The following ZMPSTE24 variants were observed in gnomAD, a reference collection of about 807,000 sequenced individuals.
ZMPSTE24 encodes the protein CAAX prenyl protease 1 homolog.
ZMPSTE24 carries 48 observed loss-of-function variants against 56.7 expected under a neutral mutation model. That is an observed-to-expected ratio of 0.85 (90% CI 0.67 to 1.08). The LOEUF (loss-of-function observed/expected upper bound fraction) is 1.08, where lower values mean the gene tolerates loss of function less well. Among genes scored for constraint, ZMPSTE24 ranks in the 50% least tolerant of loss-of-function variants. The probability of loss-of-function intolerance (pLI) is 0.00; values close to 1 mark genes in which losing one functional copy is unlikely to be tolerated. For synonymous variants in ZMPSTE24, 172 were observed against 195.2 expected, an observed-to-expected ratio of 0.88 and a Z score of 0.99; for missense variants, 503 against 548.7, an observed-to-expected ratio of 0.92 and a Z score of 0.83.
At chr1:40,258,993 A>C (rs572384437) in intron 1 of ZMPSTE24, among the ~76,000 whole-genome samples, 3 of 152,170 alleles carry the variant, frequency 2.0e-5, no homozygotes, top group Admixed American at 1.3e-4. Context: ...ACCCGTCTCT[A>C]CTAAAAATAG....
intron 1 of ZMPSTE24, among the ~76,000 whole-genome samples, 184 bp downstream of exon 1, chr1:40,258,578 AG>A: frequency 6.6e-6 from 1 of 152,224 alleles, no homozygotes; most frequent in Middle Eastern, 3.4e-3. Flanking sequence ...TGGTGCGTCA[AG>A]GAAGTTTTCT....
intron 2 of ZMPSTE24, among the ~76,000 whole-genome samples, chr1:40,261,312 C>T (rs1643494506): frequency 6.6e-6 from 1 of 152,136 alleles, no homozygotes; most frequent in Admixed American, 6.6e-5. Flanking sequence ...ATCATTATTC[C>T]TGTCAGAGTA....
intron 8 of ZMPSTE24, among the ~76,000 whole-genome samples, chr1:40,287,842 G>A (rs1353688505): frequency 6.6e-6 from 1 of 152,066 alleles, no homozygotes; most frequent in Admixed American, 6.6e-5. Context: ...CTGAGCATAT[G>A]TGGCCTTAAC....
intron 2 of ZMPSTE24, among the ~76,000 whole-genome samples, chr1:40,261,702 TTTTTG>T (rs1454562629): frequency 5.9e-5 from 9 of 152,212 alleles, no homozygotes; most frequent in African/African-American, 9.6e-5. Flanking sequence ...TTTGTTGCTT[TTTTTG>T]TTTTGTTTTG....
At chr1:40,258,474 G>C in intron 1 of ZMPSTE24, 80 bp downstream of exon 1, 1 of 1,605,214 alleles carries the variant, frequency 6.2e-7, no homozygotes, top group South Asian at 1.1e-5. Context: ...TGAGACTCTT[G>C]ATTGCTTCGG....
At chr1:40,284,563 C>T (rs1643765776) in intron 7 of ZMPSTE24, among the ~76,000 whole-genome samples, 1 of 151,880 alleles carries the variant, frequency 6.6e-6, no homozygotes, top group African/African-American at 2.4e-5. Flanking sequence ...ACCAGCCTGA[C>T]TCACATGGTG....
intron 1 of ZMPSTE24, among the ~76,000 whole-genome samples, chr1:40,260,398 A>C (rs964925742): frequency 1.3e-5 from 2 of 152,062 alleles, no homozygotes; most frequent in Non-Finnish European, 2.9e-5. Context: ...ATATGTTTCC[A>C]TCTGGTGATC....
At position 40,270,109 on chromosome 1, in the gene ZMPSTE24, C is replaced by T. The variant is rs202090930; in HGVS notation, c.609C>T (p.Phe203=). 1 of 1,613,836 alleles carries T rather than the reference C, an allele frequency of 6.2e-7. No individual in the cohort carries two copies. Among genetic ancestry groups the T allele is most frequent in the African/African-American group, 1.3e-5 (1 of 75,022 alleles). ...ATTTTTTTATTTATGCCTGGCTGTTCACATTAGTTGTGTCTCTGGTGAGTA... is the reference window on the plus strand; with the variant it reads ...ATTTTTTTATTTATGCCTGGCTGTTTACATTAGTTGTGTCTCTGGTGAGTA... The part of the protein sequence containing the change: ...GDYFFIYAWL[F]TLVVSLVLVT... Residue 203 remains phenylalanine, a synonymous_variant, in exon 5 of 10, where the codon TTC becomes TTT. Coordinates refer to ENST00000372759, the MANE Select transcript of ZMPSTE24 (RefSeq NM_005857.5).
In ZMPSTE24 at chr1:40,267,800, T is replaced by C; in HGVS notation, c.285T>C (p.Phe95=). ...TTGTTTTATAGCTTATTCTTCTCTT[T>C]GGAGGAATACCTTATCTCTGGAGAC... ...SETEGTLILL[F]GGIPYLWRLS... Residue 95 remains phenylalanine (F), a synonymous_variant, in exon 3 of 10, where the codon TTT becomes TTC. Coordinates refer to ENST00000372759, the MANE Select transcript of ZMPSTE24 (RefSeq NM_005857.5). 6.2e-7 allele frequency: 1 copy of C among 1,613,192 alleles called. No homozygotes were observed. The highest frequency in any genetic ancestry group is 1.1e-5 in the South Asian group (1 of 91,070).
At chr1:40,260,782 A>G in intron 1 of ZMPSTE24, 57 bp from the exon 2 acceptor site, 2 of 1,567,284 alleles carry the variant, frequency 1.3e-6, no homozygotes, top group Non-Finnish European at 1.8e-6. Flanking sequence ...TTTGATCATA[A>G]ATGACTATTG....
chr1:40,286,516 G>A (rs963457293), intron 8 of ZMPSTE24, among the ~76,000 whole-genome samples: 11 of 151,996 alleles, frequency 7.2e-5, no homozygotes, highest in Middle Eastern at 3.2e-3. Flanking sequence ...TGCCTCTCAG[G>A]TTCAAGCGAT....
At chr1:40,273,540 ATATATATAT>A (rs1643636812) in intron 6 of ZMPSTE24, among the ~76,000 whole-genome samples, 9 of 78,424 alleles carry the variant, frequency 1.1e-4, no homozygotes, top group African/African-American at 3.8e-4. Context: ...AAAAAAAAAT[ATATATATAT>A]ATATATATAT....
chr1:40,274,158 G>C (rs1310612640), intron 6 of ZMPSTE24, among the ~76,000 whole-genome samples: 1 of 152,164 alleles, frequency 6.6e-6, no homozygotes, highest in African/African-American at 2.4e-5. Flanking sequence ...CTACTGGGGA[G>C]GCTGAGGTGG....
intron 2 of ZMPSTE24, 27 bp downstream of exon 2, chr1:40,261,012 AGTCT>A (rs1326299753): frequency 8.1e-6 from 13 of 1,612,618 alleles, no homozygotes; most frequent in Admixed American, 3.3e-5. Context: ...TTGGAGAGAC[AGTCT>A]GTCTGGTTGT....
At chr1:40,270,993 A>G (rs1200892190) in intron 5 of ZMPSTE24, among the ~76,000 whole-genome samples, 1 of 152,210 alleles carries the variant, frequency 6.6e-6, no homozygotes, top group African/African-American at 2.4e-5. Context: ...GAAAAAACCC[A>G]AAGTGGTCTG....
chr1:40,266,755 G>A (rs1038568160), intron 2 of ZMPSTE24, among the ~76,000 whole-genome samples: 3 of 139,128 alleles, frequency 2.2e-5, no homozygotes, highest in Admixed American at 1.4e-4. Context: ...GTTGGATTTC[G>A]AACAAGTTTT....
chr1:40,288,094 C>T (rs12725815), intron 8 of ZMPSTE24, among the ~76,000 whole-genome samples: 15,824 of 152,054 alleles, frequency 0.1, 912 homozygotes, highest in South Asian at 0.15. Flanking sequence ...GGGAGGATGG[C>T]TTGAGTCCAG....
At chr1:40,284,796 A>G (rs1643768325) in intron 7 of ZMPSTE24, among the ~76,000 whole-genome samples, 1 of 152,148 alleles carries the variant, frequency 6.6e-6, no homozygotes, top group Non-Finnish European at 1.5e-5. Context: ...ATATACTTTC[A>G]GTCTACTTTT....
intron 2 of ZMPSTE24, among the ~76,000 whole-genome samples, chr1:40,266,761 G>GTTTTTTT (rs3075102): frequency 3.4e-5 from 3 of 88,116 alleles, no homozygotes; most frequent in South Asian, 4.3e-4. Flanking sequence ...TTTCGAACAA[G>GTTTTTTT]TTTTTTTTTT....
Sources: allele counts gnomAD v4.1 joint callset (sites outside exome capture counted in the v4.1 genomes callset), GRCh38; gene constraint gnomAD v4.1.1; transcripts MANE v1.5; gene names NCBI Gene and HGNC (gene_info 2026-07-23, HGNC 2026-07-21).